CHD5: variants seen among roughly 807,000 people sequenced by gnomAD.
CHD5 encodes chromodomain helicase DNA binding protein 5, also known as ATP-dependent chromatin remodeler CHD5.
In CHD5, 69 loss-of-function variants were observed where a neutral mutation model predicts 230.3. That is an observed-to-expected ratio of 0.30 (90% confidence interval 0.25 to 0.37). The LOEUF is 0.37. Among genes scored for constraint, CHD5 ranks in the 10% least tolerant of loss-of-function variants. The pLI is 1.00. For missense variants in CHD5, 1,827 were observed against 2,622.8 expected (o/e 0.70, Z 6.63); for synonymous variants, 1,064 against 1,065.9 (o/e 1.00, Z 0.03).
rs762320379 is a variant in CHD5, at chr1:6,151,144, ATCT to A, written c.879_881del (p.Glu293del). ...TGTCGAAGTCCGACTCCTCCCTCTC[ATCT>A]TCTTCACTCTGCAGGGGAAGACAGG... is the stretch of plus-strand genomic sequence containing the variant. On this transcript the variant is annotated inframe_deletion, in exon 7 of 42. Coordinates refer to ENST00000262450, the MANE Select transcript of CHD5 (RefSeq NM_015557.3). 3 of 1,607,398 alleles carry A rather than the reference ATCT, an allele frequency of 1.9e-6. No individual in the cohort carries two copies. Among genetic ancestry groups the A allele is most frequent in the Non-Finnish European group, 1.7e-6 (2 of 1,176,536 alleles).
Position 6,155,897 on chromosome 1 carries a change from C to T in CHD5, c.388-180G>A, listed in dbSNP as rs1316161476. Among the ~76,000 whole-genome samples the T allele has an allele frequency of 6.6e-6, 1 of 152,246 alleles. No homozygotes were observed. Among genetic ancestry groups the T allele is most frequent in the Non-Finnish European group, 1.5e-5 (1 of 68,046 alleles). On this transcript the variant is annotated intron_variant, in intron 3 of 41. Transcript: ENST00000262450. The surrounding 1 kb of genome is among the most constrained non-coding windows in gnomAD (Gnocchi z 4.0). ...ATTCAAGCCCTGCAGCCCCGCAGCC[C>T]CGCAGCCCCCAATCTGTGCCACGTC...
Position 6,106,698 on chromosome 1 carries a change from G to A in CHD5, c.5660C>T (p.Pro1887Leu). 1.2e-6 allele frequency: 2 copies of A among 1,611,284 alleles called. No individual in the cohort carries two copies. Among genetic ancestry groups the A allele is most frequent in the Non-Finnish European group, 1.7e-6 (2 of 1,179,448 alleles). The change falls in exon 39 of 42, where the codon CCG becomes CTG. Residue 1887 changes from proline to leucine, a missense_variant. By Grantham distance (98) the Pro-to-Leu change is moderately conservative. Coordinates refer to ENST00000262450, the MANE Select transcript of CHD5 (RefSeq NM_015557.3). ...CGACATCTGCAGCCGGGCGGCCACC[G>A]GGGGGATGCGGGACAGCATGGATGG... ...RLPSMLSRIP[P>L]VAARLQMSER...
At chr1:6,111,172 G>T (rs1666281184) in intron 36 of CHD5, among the ~76,000 whole-genome samples, 1 of 151,414 alleles carries the variant, frequency 6.6e-6, no homozygotes, top group African/African-American at 2.4e-5. Context: ...AGAGGTTGCA[G>T]TGAGCTGAGA....
chr1:6,124,239 G>T, intron 30 of CHD5, 132 bp from the exon 31 acceptor site: 1 of 908,296 alleles, frequency 1.1e-6, no homozygotes, highest in Non-Finnish European at 1.7e-6. Flanking sequence ...TCCGCCCAAG[G>T]CTGGCCAAGC....
chr1:6,105,391 T>G lies in CHD5; in HGVS notation c.*83A>C, dbSNP rs1190478363. ...TCCTAAAAAGGTGGCAGCTTTTCTC[T>G]CCCATGTGGGTCGGGCAGGTGGCCC... is the stretch of plus-strand genomic sequence containing the variant. On this transcript the variant is annotated 3_prime_UTR_variant, in exon 42 of 42. Coordinates refer to ENST00000262450, the MANE Select transcript of CHD5 (RefSeq NM_015557.3). The surrounding 1 kb of genome is among the most constrained non-coding windows in gnomAD (Gnocchi z 4.8). 4.3e-6 allele frequency: 2 copies of G among 470,450 alleles called. No individual in the cohort carries two copies. The highest frequency in any genetic ancestry group is 8.8e-6 in the Non-Finnish European group (2 of 226,902). The allele number at this position is 470,450 out of a possible 1,614,324, so 29.1% of individuals were successfully genotyped here.
chr1:6,152,405 C>T lies in CHD5; in HGVS notation c.870+7G>A. ...GCACACACACGCGCACACACGCACACACTCACCGAGGAGCCTTTCTTCCTC... is the reference window on the plus strand; with the variant it reads ...GCACACACACGCGCACACACGCACATACTCACCGAGGAGCCTTTCTTCCTC... On this transcript the variant is annotated splice_region_variant and intron_variant, in intron 6 of 41. Transcript: ENST00000262450. 1 of 1,612,376 alleles carries T rather than the reference C, an allele frequency of 6.2e-7. No homozygotes were observed. The highest frequency in any genetic ancestry group is 8.5e-7 in the Non-Finnish European group (1 of 1,179,156).
rs548089305 is a variant in CHD5, at chr1:6,123,672, G to C, written c.4699+276C>G. ...CAAACTCCTGAGCTCAGGTGATCCT[G>C]CCGCCTCAGCCTCCTAAAGTGCTGT... On this transcript the variant is annotated intron_variant, in intron 31 of 41. Transcript: ENST00000262450. 4.7e-3 allele frequency among the ~76,000 whole-genome samples: 676 copies of C among 144,486 alleles called. 8 individuals are homozygous for C. The highest frequency in any genetic ancestry group is 0.016 in the African/African-American group (650 of 39,502). 94.8% of individuals were successfully genotyped at this position (144,486 alleles called of 152,430 possible).
intron 2 of CHD5, among the ~76,000 whole-genome samples, chr1:6,160,203 G>A (rs1431559456): frequency 4.4e-4 from 35 of 79,844 alleles, no homozygotes; most frequent in South Asian, 6.9e-4. Context: ...GAGAAGAAGA[G>A]CCCTAGCCAG....
At chr1:6,166,064 G>A (rs1667248032) in intron 2 of CHD5, among the ~76,000 whole-genome samples, 1 of 151,928 alleles carries the variant, frequency 6.6e-6, no homozygotes, top group Admixed American at 6.6e-5. Flanking sequence ...TGGTAAGGGG[G>A]GGTTCCCGGG....
Position 6,101,951 on chromosome 1 carries a change from C to T in CHD5, c.*3523G>A, listed in dbSNP as rs902978792. The T allele has an allele frequency of 9.8e-6, 4 of 410,060 alleles. No homozygotes were observed. Among genetic ancestry groups the T allele is most frequent in the African/African-American group, 2.2e-5 (1 of 45,948 alleles). The allele number at this position is 410,060 out of a possible 1,614,324, so 25.4% of individuals were successfully genotyped here. ...GGGAGCCTGGCTTCCAAAGCTGGACCCGCCCCCGCCGGGGCCACCCTGGCT... is the reference window on the plus strand; with the variant it reads ...GGGAGCCTGGCTTCCAAAGCTGGACTCGCCCCCGCCGGGGCCACCCTGGCT... On this transcript the variant is annotated 3_prime_UTR_variant, in exon 42 of 42. Coordinates refer to ENST00000262450, the MANE Select transcript of CHD5 (RefSeq NM_015557.3).
At position 6,124,022 on chromosome 1, in the gene CHD5, A is replaced by C. The variant is rs147998739; in HGVS notation, c.4625T>G (p.Val1542Gly). 232 of 1,612,518 alleles carry C rather than the reference A, an allele frequency of 1.4e-4. 1 individual carries two copies. The highest frequency in any genetic ancestry group is 1.9e-4 in the Non-Finnish European group (221 of 1,179,626). Residue 1542 changes from valine to glycine, a missense_variant, in exon 31 of 42, where the codon GTG becomes GGG. This residue lies in a region of CHD5 where 272 missense variants were observed against 263.2 expected (regional missense o/e 1.03). Coordinates refer to ENST00000262450, the MANE Select transcript of CHD5 (RefSeq NM_015557.3). ...TGGTGTGTTGGGGTCCGAGGAGATC[A>C]CCTCGCCCGACTTCTTCCCCTCGGG... is the stretch of plus-strand genomic sequence containing the variant. ...EGPEGKKSGE[V>G]ISSDPNTPVP...
chr1:6,153,179 C>T (rs911771848), intron 5 of CHD5, among the ~76,000 whole-genome samples: 10 of 152,230 alleles, frequency 6.6e-5, no homozygotes, highest in African/African-American at 2.4e-4. Flanking sequence ...ACCACACACA[C>T]GGACATGGAG....
chr1:6,134,633 GC>G lies in CHD5; in HGVS notation c.3012+84del. ...ACAATGGCCAGGAGAACCTATCACA[GC>G]GGCCACAGGGACCTACCATGGCGGC... is the stretch of plus-strand genomic sequence containing the variant. On this transcript the variant is annotated intron_variant, in intron 19 of 41. Transcript: ENST00000262450. The surrounding 1 kb of genome is among the most constrained non-coding windows in gnomAD (Gnocchi z 6.3). The G allele has an allele frequency of 1.4e-6, 2 of 1,381,058 alleles. No individual in the cohort carries two copies. The highest frequency in any genetic ancestry group is 2.1e-6 in the Non-Finnish European group (2 of 974,040). 85.6% of individuals were successfully genotyped at this position (1,381,058 alleles called of 1,614,324 possible).
intron 2 of CHD5, among the ~76,000 whole-genome samples, chr1:6,160,828 G>A (rs1043123167): frequency 2.0e-5 from 3 of 152,186 alleles, no homozygotes; most frequent in Non-Finnish European, 2.9e-5. Flanking sequence ...AGATAAGGGC[G>A]TTTACAACCA....
rs1666636427 is a variant in CHD5 at position 6,130,409 on chromosome 1, G to A, written c.3263-81C>T. 7.7e-7 allele frequency: 1 copy of A among 1,294,878 alleles called. No individual in the cohort carries two copies. Among genetic ancestry groups the A allele is most frequent in the East Asian group, 2.4e-5 (1 of 42,418 alleles). The allele number at this position is 1,294,878 out of a possible 1,614,324, so 80.2% of individuals were successfully genotyped here. On this transcript the variant is annotated intron_variant, in intron 21 of 41. Coordinates refer to ENST00000262450, the MANE Select transcript of CHD5 (RefSeq NM_015557.3). The surrounding 1 kb of genome is among the most constrained non-coding windows in gnomAD (Gnocchi z 4.9). Reference sequence around the variant, plus strand: ...CAGAAAGGATGGGGGAGAGAACAGAGAGAAGGAACTGCAGCAACAGATCCC... The same window carrying A: ...CAGAAAGGATGGGGGAGAGAACAGAAAGAAGGAACTGCAGCAACAGATCCC...
intron 1 of CHD5, among the ~76,000 whole-genome samples, chr1:6,169,193 C>T (rs1667298627): frequency 6.6e-6 from 1 of 152,192 alleles, no homozygotes; most frequent in African/African-American, 2.4e-5. Flanking sequence ...CGTATCTCCT[C>T]GTGGATCCCG....
At chr1:6,175,884 A>T (rs1464209202) in intron 1 of CHD5, among the ~76,000 whole-genome samples, 5 of 151,648 alleles carry the variant, frequency 3.3e-5, no homozygotes, top group Admixed American at 3.3e-4. Flanking sequence ...ATGGATGAAT[A>T]GTGGATAGGA....
chr1:6,105,037 C>A lies in CHD5; in HGVS notation c.*437G>T. The A allele has an allele frequency of 7.8e-6, 2 of 257,476 alleles. No individual in the cohort carries two copies. Among genetic ancestry groups the A allele is most frequent in the East Asian group, 1.2e-4 (1 of 8,142 alleles). The allele number at this position is 257,476 out of a possible 1,614,324, so 15.9% of individuals were successfully genotyped here. A position where few individuals can be genotyped will look rare whatever the true frequency, so the allele number is the denominator to read the frequency against. On this transcript the variant is annotated 3_prime_UTR_variant, in exon 42 of 42. Coordinates refer to ENST00000262450, the MANE Select transcript of CHD5 (RefSeq NM_015557.3). This position sits in a 1 kb window ranked among gnomAD's most constrained non-coding sequence, Gnocchi z 4.8. ...GTCCACAGGGCAGTGCCAGGACTAC[C>A]TTGGGTCTGGAACCCATCGGTAAAG...
intron 1 of CHD5, among the ~76,000 whole-genome samples, chr1:6,175,176 G>A (rs1156941200): frequency 1.3e-5 from 2 of 151,052 alleles, no homozygotes; most frequent in African/African-American, 4.9e-5. Flanking sequence ...CGGATGGTGG[G>A]TGGATGAATG....
Sources: gnomAD v4.1 joint callset for allele counts (sites outside exome capture counted in the v4.1 genomes callset) on GRCh38, gnomAD v4.1.1 for gene constraint, gnomAD v4.1.1 regional missense constraint, Gnocchi (gnomAD v3.1) non-coding constraint, MANE v1.5 for transcripts, NCBI Gene and HGNC (gene_info 2026-07-23, HGNC 2026-07-21) for gene names.